WDR1: variants seen among roughly 807,000 people sequenced by gnomAD.
WDR1 encodes the protein WD repeat domain 1.
A neutral mutation model predicts 71.9 loss-of-function variants in WDR1; 21 were observed. The observed-to-expected ratio is 0.29, with a 90% CI of 0.21 to 0.42. WDR1 has a LOEUF of 0.42. Ranked by LOEUF, WDR1 falls within the 10% of genes least tolerant of loss-of-function variation. The pLI is 1.00. For missense variants in WDR1, 696 were observed against 824.5 expected, an observed-to-expected ratio of 0.84 and a Z score of 1.91; for synonymous variants, 424 against 347.4, an observed-to-expected ratio of 1.22 and a Z score of -2.45.
intron 3 of WDR1, among the ~76,000 whole-genome samples, chr4:10,101,109 G>C (rs374363296): frequency 6.6e-6 from 1 of 152,242 alleles, no homozygotes; most frequent in Admixed American, 6.5e-5. Context: ...CTGGAACCAC[G>C]GCCCCAGCGC....
At chr4:10,092,502 C>T (rs796932922) in intron 5 of WDR1, 2 of 154,224 alleles carry the variant, frequency 1.3e-5, no homozygotes, top group Admixed American at 6.4e-5. Flanking sequence ...CAGGCTCTGG[C>T]AGGGTGGTGT....
chr4:10,095,187 G>A (rs1201917281), intron 5 of WDR1, among the ~76,000 whole-genome samples: 1 of 152,254 alleles, frequency 6.6e-6, no homozygotes, highest in Non-Finnish European at 1.5e-5. Context: ...CTGAGCGCTG[G>A]TGCGGAGGCA....
chr4:10,088,654 C>A lies in WDR1; in HGVS notation c.636+10G>T. ...CCATTCCCCACCCCAAAACCCATCC[C>A]AGTTCTTACCTGGCCGTCAGCACTG... On this transcript the variant is annotated intron_variant, in intron 6 of 14. Transcript: ENST00000499869. The A allele has an allele frequency of 6.3e-7, 1 of 1,598,012 alleles. No homozygotes were observed. Among genetic ancestry groups the A allele is most frequent in the East Asian group, 2.3e-5 (1 of 44,240 alleles).
At chr4:10,101,467 C>CT (rs1335505898) in intron 3 of WDR1, among the ~76,000 whole-genome samples, 5 of 152,198 alleles carry the variant, frequency 3.3e-5, no homozygotes, top group African/African-American at 1.2e-4. Context: ...TAAGCCTTAA[C>CT]AATTGCTTCG....
At chr4:10,083,222 G>C (rs1320599910) in intron 9 of WDR1, 44 bp from the exon 10 acceptor site, 2 of 1,586,658 alleles carry the variant, frequency 1.3e-6, no homozygotes, top group South Asian at 2.3e-5. Flanking sequence ...GGACTGCTGG[G>C]TGTTCTCAGG....
intron 11 of WDR1, 137 bp from the exon 12 acceptor site, chr4:10,079,138 T>G: frequency 1.6e-6 from 1 of 627,258 alleles, no homozygotes; most frequent in Non-Finnish European, 2.7e-6. Context: ...CAGGGCCACC[T>G]GGGGCTCTGA....
chr4:10,116,753 C>T lies in WDR1; in HGVS notation c.-87G>A. 1.6e-6 allele frequency: 2 copies of T among 1,246,570 alleles called. No individual in the cohort carries two copies. The highest frequency in any genetic ancestry group is 5.4e-5 in the South Asian group (2 of 37,282). 77.2% of individuals were successfully genotyped at this position (1,246,570 alleles called of 1,614,324 possible). ...AATTACACCTCGCCGAGGCCGAGCC[C>T]GGGGACTGGAGCCGGAAGGCGGCAC... On this transcript the variant is annotated 5_prime_UTR_variant, in exon 1 of 15. Transcript: ENST00000499869.
chr4:10,099,777 G>C (rs1048127325), intron 3 of WDR1, among the ~76,000 whole-genome samples: 2 of 152,244 alleles, frequency 1.3e-5, no homozygotes, highest in East Asian at 3.8e-4. Flanking sequence ...CTCACACACC[G>C]AGCAGTTCCA....
intron 3 of WDR1, among the ~76,000 whole-genome samples, chr4:10,102,624 G>C (rs761397120): frequency 3.9e-5 from 6 of 152,210 alleles, no homozygotes; most frequent in Non-Finnish European, 5.9e-5. Context: ...ATTTGTGTTA[G>C]TCGTAAATTA....
chr4:10,101,579 A>G (rs1712686318), intron 3 of WDR1, among the ~76,000 whole-genome samples: 1 of 152,248 alleles, frequency 6.6e-6, no homozygotes, highest in Non-Finnish European at 1.5e-5. Context: ...CTACAAAATC[A>G]GGGCACTTTT....
chr4:10,075,496 G>A lies in WDR1; in HGVS notation c.1715-12C>T, dbSNP rs148982353. On this transcript the variant is annotated splice_polypyrimidine_tract_variant and intron_variant, in intron 14 of 14. Transcript: ENST00000499869. ...CAGCCGGTGTGCATCTGGGAAGAAA[G>A]GGTGCAATTTAACGAAAAGCCAAAC... 191 of 1,613,454 alleles carry A rather than the reference G, an allele frequency of 1.2e-4. No homozygotes were observed. In the African/African-American group the frequency reaches 1.3e-3, roughly 11 times the overall value.
chr4:10,111,656 C>T (rs1233986631), intron 2 of WDR1, among the ~76,000 whole-genome samples: 4 of 152,190 alleles, frequency 2.6e-5, no homozygotes, highest in African/African-American at 4.8e-5. Flanking sequence ...CGTCCAATTC[C>T]GGAGAAGCAG....
chr4:10,100,646 C>G (rs1578439319), intron 3 of WDR1, among the ~76,000 whole-genome samples: 1 of 152,174 alleles, frequency 6.6e-6, no homozygotes. Context: ...AGGGGAGTCC[C>G]AGAAGGGCCC....
At chr4:10,099,288 G>T (rs541053951) in intron 3 of WDR1, 149 bp from the exon 4 acceptor site, 35 of 665,814 alleles carry the variant, frequency 5.3e-5, no homozygotes, top group Non-Finnish European at 7.9e-5. Context: ...AGAGGAAAAG[G>T]CCTAGTGAAG....
At chr4:10,076,986 G>A (rs548653496) in intron 14 of WDR1, 3 of 333,824 alleles carry the variant, frequency 9.0e-6, no homozygotes, top group Non-Finnish European at 1.7e-5. Context: ...ACTGGACGTG[G>A]CTGTCTTAGG....
At chr4:10,078,355 C>T (rs1764879042) in intron 12 of WDR1, among the ~76,000 whole-genome samples, 1 of 152,192 alleles carries the variant, frequency 6.6e-6, no homozygotes, top group Non-Finnish European at 1.5e-5. Flanking sequence ...CAGGACTTGG[C>T]CAGGCACACT....
chr4:10,110,551 G>C (rs147654569), intron 2 of WDR1, among the ~76,000 whole-genome samples: 5 of 152,246 alleles, frequency 3.3e-5, no homozygotes, highest in African/African-American at 1.2e-4. Flanking sequence ...CACCTCTGCC[G>C]TGTGTCTCAA....
intron 4 of WDR1, among the ~76,000 whole-genome samples, chr4:10,098,658 G>C (rs1182340679): frequency 6.6e-6 from 1 of 152,224 alleles, no homozygotes; most frequent in Non-Finnish European, 1.5e-5. Context: ...GCTGCTGTGA[G>C]GGACCCCGAA....
At chr4:10,103,807 T>TCCCC in intron 3 of WDR1, 89 bp downstream of exon 3, 3 of 149,922 alleles carry the variant, frequency 2.0e-5, no homozygotes, top group South Asian at 6.5e-5. Context: ...CCTCCCACTC[T>TCCCC]CCCAAGGCCA....
Sources: allele counts gnomAD v4.1 joint callset (sites outside exome capture counted in the v4.1 genomes callset), GRCh38; gene constraint gnomAD v4.1.1; transcripts MANE v1.5; gene names NCBI Gene and HGNC (gene_info 2026-07-23, HGNC 2026-07-21).